MAP3K3: variants seen among roughly 807,000 people sequenced by gnomAD.
MAP3K3 encodes the protein mitogen-activated protein kinase kinase kinase 3, also known as MAP/ERK kinase kinase 3.
A neutral mutation model predicts 80.9 loss-of-function variants in MAP3K3; 12 were observed. The ratio of observed to expected loss-of-function variants is 0.15; its 90% CI spans 0.10 to 0.24. MAP3K3 has a LOEUF of 0.24. MAP3K3 is among the 10% of genes least tolerant of loss of function. MAP3K3 has a pLI of 1.00. For synonymous variants in MAP3K3, 272 were observed against 307.1 expected (o/e 0.89, Z 1.19); for missense variants, 596 against 834.7 (o/e 0.71, Z 3.52).
intron 6 of MAP3K3, 134 bp downstream of exon 6, chr17:63,667,194 C>G (rs911223380): frequency 2.0e-6 from 2 of 975,946 alleles, no homozygotes; most frequent in Admixed American, 7.4e-5. Flanking sequence ...TCCTTTATGC[C>G]TTTATTTTAT....
At chr17:63,679,820 A>C (rs1406996001) in intron 6 of MAP3K3, among the ~76,000 whole-genome samples, 1 of 152,214 alleles carries the variant, frequency 6.6e-6, no homozygotes, top group African/African-American at 2.4e-5. Context: ...ATATGTATAA[A>C]CATGTATACA....
chr17:63,683,008 C>G (rs2035372662), intron 7 of MAP3K3, among the ~76,000 whole-genome samples: 1 of 152,182 alleles, frequency 6.6e-6, no homozygotes, highest in Admixed American at 6.5e-5. Flanking sequence ...GCTTAGTGAA[C>G]TCACCAAGCA....
chr17:63,691,242 C>T lies in MAP3K3; in HGVS notation c.1344+9C>T. 1 of 1,613,984 alleles carries T rather than the reference C, an allele frequency of 6.2e-7. No homozygotes were observed. The highest frequency in any genetic ancestry group is 1.3e-5 in the African/African-American group (1 of 75,052). ...TGGAGTACATGCCAGGGGTACGTGC[C>T]CCTTGAATGCATGTGAGACACACAC... On this transcript the variant is annotated intron_variant, in intron 13 of 15. Transcript: ENST00000361733. The surrounding 1 kb of genome is among the most constrained non-coding windows in gnomAD (Gnocchi z 4.8).
intron 8 of MAP3K3, among the ~76,000 whole-genome samples, chr17:63,687,792 A>G (rs911858736): frequency 7.0e-6 from 1 of 143,250 alleles, no homozygotes; most frequent in South Asian, 2.2e-4. Flanking sequence ...GATCGAGACC[A>G]TCTTGGCCAG....
chr17:63,692,163 T>A lies in MAP3K3; in HGVS notation c.1475-79T>A. Reference sequence around the variant, plus strand: ...GTAGCCCTGCCCTCTCCAGCAGCTCTCAGTGACCCGGGGGTGGGGAGGATG... The same window carrying A: ...GTAGCCCTGCCCTCTCCAGCAGCTCACAGTGACCCGGGGGTGGGGAGGATG... On this transcript the variant is annotated intron_variant, in intron 14 of 15. Coordinates refer to ENST00000361733, the MANE Select transcript of MAP3K3 (RefSeq NM_002401.5). The surrounding 1 kb of genome is among the most constrained non-coding windows in gnomAD (Gnocchi z 4.5). 1 of 1,538,210 alleles carries A rather than the reference T, an allele frequency of 6.5e-7. No individual in the cohort carries two copies. The highest frequency in any genetic ancestry group is 8.9e-7 in the Non-Finnish European group (1 of 1,119,702).
intron 2 of MAP3K3, among the ~76,000 whole-genome samples, chr17:63,633,423 A>G (rs911054121): frequency 2.0e-5 from 3 of 152,210 alleles, no homozygotes; most frequent in Non-Finnish European, 2.9e-5. Flanking sequence ...CTTACAGTAT[A>G]TAGTCAGGAA....
chr17:63,693,967 T>G lies in MAP3K3; in HGVS notation c.*190T>G. 1.8e-6 allele frequency: 1 copy of G among 541,738 alleles called. No individual in the cohort carries two copies. Among genetic ancestry groups the G allele is most frequent in the Non-Finnish European group, 3.2e-6 (1 of 310,022 alleles). The allele number at this position is 541,738 out of a possible 1,614,324, so 33.6% of individuals were successfully genotyped here. A position where few individuals can be genotyped will look rare whatever the true frequency, so the allele number is the denominator to read the frequency against. ...GGTGGGGTGGCTGCAGCCTCAGGAC[T>G]GGGAGCCCCCAGCCTGTCAGATCCA... On this transcript the variant is annotated 3_prime_UTR_variant, in exon 16 of 16. Transcript: ENST00000361733. The surrounding 1 kb of genome is among the most constrained non-coding windows in gnomAD (Gnocchi z 4.2).
chr17:63,640,876 A>G (rs2034426406), intron 2 of MAP3K3, among the ~76,000 whole-genome samples: 1 of 152,138 alleles, frequency 6.6e-6, no homozygotes, highest in African/African-American at 2.4e-5. Flanking sequence ...AAACCCCCCA[A>G]ACTAACTTTT....
In MAP3K3 at chr17:63,661,873, G is replaced by A. The variant is rs370618710; in HGVS notation, c.381+3966G>A. 3.9e-5 allele frequency among the ~76,000 whole-genome samples: 6 copies of A among 152,290 alleles called. No homozygotes were observed. In the East Asian group the frequency reaches 7.7e-4, roughly 20 times the overall value. ...AATCCCAGCACTTTGGGAGGCCGAG[G>A]CAGGCGGATCACAAGGTCAGGAGAT... is the stretch of plus-strand genomic sequence containing the variant. On this transcript the variant is annotated intron_variant, in intron 5 of 15. Coordinates refer to ENST00000361733, the MANE Select transcript of MAP3K3 (RefSeq NM_002401.5).
chr17:63,623,467 T>A (rs1214586301), intron 1 of MAP3K3, among the ~76,000 whole-genome samples: 2 of 152,228 alleles, frequency 1.3e-5, no homozygotes, highest in African/African-American at 2.4e-5. Flanking sequence ...CCATTATTTT[T>A]TTCTTGCGGT....
At chr17:63,652,469 G>A in intron 3 of MAP3K3, 88 bp from the exon 4 acceptor site, 2 of 845,842 alleles carry the variant, frequency 2.4e-6, no homozygotes, top group South Asian at 3.0e-5. Context: ...ATGTTGAGAA[G>A]AAAGGAAGAA....
rs2034859535 is a variant in MAP3K3, at chr17:63,660,232, A to C, written c.381+2325A>C. ...CCCTTTTTTTTTGAGATGGGATCTT[A>C]CTCTGTCACCCAAGCTGGAGTGCAG... On this transcript the variant is annotated intron_variant, in intron 5 of 15. Coordinates refer to ENST00000361733, the MANE Select transcript of MAP3K3 (RefSeq NM_002401.5). Among the ~76,000 whole-genome samples, 10 of 151,452 alleles carry C rather than the reference A, an allele frequency of 6.6e-5. No individual in the cohort carries two copies. In the South Asian group the frequency reaches 2.1e-3, roughly 31 times the overall value.
Position 63,688,227 on chromosome 17 carries a change from C to G in MAP3K3, c.711-300C>G, listed in dbSNP as rs116356332. On this transcript the variant is annotated intron_variant, in intron 8 of 15. Coordinates refer to ENST00000361733, the MANE Select transcript of MAP3K3 (RefSeq NM_002401.5). ...CCCTGGGCAAAGGATTCTCTTGGAG[C>G]TCTTTGCCTGTTACAGAGGTGGGAA... 5.7e-3 allele frequency: 2,694 copies of G among 472,636 alleles called. 66 individuals are homozygous for G. The highest frequency in any genetic ancestry group is 0.047 in the African/African-American group (2,417 of 51,254). The allele number at this position is 472,636 out of a possible 1,614,324, so 29.3% of individuals were successfully genotyped here.
intron 1 of MAP3K3, among the ~76,000 whole-genome samples, chr17:63,626,656 T>C (rs2034108845): frequency 6.6e-6 from 1 of 152,250 alleles, no homozygotes; most frequent in South Asian, 2.1e-4. Flanking sequence ...TCTGGCCTTA[T>C]TGCATATACT....
intron 4 of MAP3K3, among the ~76,000 whole-genome samples, chr17:63,655,674 G>T (rs1313134244): frequency 1.3e-5 from 2 of 151,930 alleles, no homozygotes; most frequent in South Asian, 2.1e-4. Flanking sequence ...ATAAATTTTT[G>T]TAGAGATGGG....
intron 4 of MAP3K3, among the ~76,000 whole-genome samples, chr17:63,655,408 C>A (rs2034747102): frequency 6.6e-6 from 1 of 152,200 alleles, no homozygotes. Flanking sequence ...GCTGCAGTTT[C>A]TCCACCATCC....
In MAP3K3 at chr17:63,680,989, T is replaced by A. The variant is rs115762123; in HGVS notation, c.503-777T>A. ...ATTTGCCAAACCTCTGTTGTAGAGA[T>A]GTTGAAAATCAAATGAGGTTAATTA... On this transcript the variant is annotated intron_variant, in intron 6 of 15. Coordinates refer to ENST00000361733, the MANE Select transcript of MAP3K3 (RefSeq NM_002401.5). Among the ~76,000 whole-genome samples the A allele has an allele frequency of 8.4e-3, 1,271 of 151,690 alleles. 21 individuals carry two copies. The highest frequency in any genetic ancestry group is 0.029 in the African/African-American group (1,197 of 41,318).
In MAP3K3 at chr17:63,691,685, C is replaced by T. The variant is rs770553404; in HGVS notation, c.1345-48C>T. ...GGGGGCTGGAATGGGCTTGCCCCTC[C>T]ACCAGCCCTCCCCTGAGGGGACTCC... is the stretch of plus-strand genomic sequence containing the variant. On this transcript the variant is annotated intron_variant, in intron 13 of 15. Transcript: ENST00000361733. The surrounding 1 kb of genome is among the most constrained non-coding windows in gnomAD (Gnocchi z 4.8). 6.3e-6 allele frequency: 10 copies of T among 1,591,910 alleles called. No homozygotes were observed. Among genetic ancestry groups the T allele is most frequent in the Non-Finnish European group, 8.6e-6 (10 of 1,164,636 alleles).
At position 63,691,279 on chromosome 17, in the gene MAP3K3, TG is replaced by T; in HGVS notation, c.1344+47del. On this transcript the variant is annotated intron_variant, in intron 13 of 15. Coordinates refer to ENST00000361733, the MANE Select transcript of MAP3K3 (RefSeq NM_002401.5). This position sits in a 1 kb window ranked among gnomAD's most constrained non-coding sequence, Gnocchi z 4.8. ...TGTGAGACACACACAAAAGAGGGCC[TG>T]ACCTGGGGGCTGGGGCCTGCAGGAG... The T allele has an allele frequency of 6.2e-7, 1 of 1,612,246 alleles. No homozygotes were observed. The highest frequency in any genetic ancestry group is 1.1e-5 in the South Asian group (1 of 91,032).
Sources: gnomAD v4.1 joint callset for allele counts (sites outside exome capture counted in the v4.1 genomes callset) on GRCh38, gnomAD v4.1.1 for gene constraint, Gnocchi (gnomAD v3.1) non-coding constraint, MANE v1.5 for transcripts, NCBI Gene and HGNC (gene_info 2026-07-23, HGNC 2026-07-21) for gene names.